MTG2: variants seen among roughly 807,000 people sequenced by gnomAD.
MTG2 encodes mitochondrial ribosome associated GTPase 2, also known as mitochondrial ribosome-associated GTPase 2.
In MTG2, 23 loss-of-function variants were observed where a neutral mutation model predicts 28.6. The ratio of observed to expected loss-of-function variants is 0.80; its 90% confidence interval spans 0.58 to 1.14. The LOEUF (loss-of-function observed/expected upper bound fraction) is 1.14. MTG2 is among the 50% of genes most tolerant of loss of function. The pLI is 0.00. For missense variants in MTG2, 539 were observed against 552.0 expected (o/e 0.98, Z 0.24); for synonymous variants, 260 against 251.8 (o/e 1.03, Z -0.31).
chr20:62,195,003 T>C (rs1315790166), intron 2 of MTG2, among the ~76,000 whole-genome samples: 1 of 152,168 alleles, frequency 6.6e-6, no homozygotes, highest in Admixed American at 6.5e-5. Context: ...GAGACCATCC[T>C]GGCCAACACG....
intron 6 of MTG2, 58 bp downstream of exon 6, chr20:62,199,315 A>G (rs1438411244): frequency 1.3e-6 from 2 of 1,567,730 alleles, no homozygotes; most frequent in Non-Finnish European, 1.7e-6. Context: ...TCAGAAAAGT[A>G]ATGATGTAAC....
At chr20:62,185,270 G>T (rs981263398) in intron 1 of MTG2, among the ~76,000 whole-genome samples, 4 of 151,956 alleles carry the variant, frequency 2.6e-5, no homozygotes, top group Non-Finnish European at 5.9e-5. Context: ...AAATTAGCTG[G>T]GCGTGGTGGC....
At position 62,201,379 on chromosome 20, in the gene MTG2, C is replaced by T. The variant is rs532113045; in HGVS notation, c.*302C>T. 1.5e-5 allele frequency: 6 copies of T among 406,180 alleles called. No individual in the cohort carries two copies. Among genetic ancestry groups the T allele is most frequent in the East Asian group, 1.3e-4 (3 of 22,612 alleles). The allele number at this position is 406,180 out of a possible 1,614,324, so 25.2% of individuals were successfully genotyped here. A position where few individuals can be genotyped will look rare whatever the true frequency, so the allele number is the denominator to read the frequency against. ...GGTGCCCATAACGGGGTGGCCCTGC[C>T]GCTGACTCAGGTCTCCGCCATGCAC... On this transcript the variant is annotated 3_prime_UTR_variant, in exon 7 of 7. Coordinates refer to ENST00000370823, the MANE Select transcript of MTG2 (RefSeq NM_015666.4).
At chr20:62,186,517 C>CT (rs573270385) in intron 1 of MTG2, among the ~76,000 whole-genome samples, 1,956 of 127,370 alleles carry the variant, frequency 0.015, 29 homozygotes, top group Admixed American at 0.039. Flanking sequence ...TTCCCTGGGA[C>CT]TTTTTTTTTT....
intron 1 of MTG2, 140 bp from the exon 2 acceptor site, chr20:62,193,276 A>G: frequency 1.2e-6 from 1 of 820,800 alleles, no homozygotes; most frequent in Non-Finnish European, 2.0e-6. Flanking sequence ...GTGAGTGACC[A>G]GGAAAATCGG....
At chr20:62,193,335 G>A (rs2057996645) in intron 1 of MTG2, 81 bp from the exon 2 acceptor site, 3 of 1,336,662 alleles carry the variant, frequency 2.2e-6, no homozygotes, top group African/African-American at 1.4e-5. Context: ...AAGACCTGCT[G>A]CATGAGGCCC....
At chr20:62,189,664 CT>C (rs34528319) in intron 1 of MTG2, among the ~76,000 whole-genome samples, 4,378 of 113,584 alleles carry the variant, frequency 0.039, 126 homozygotes, top group African/African-American at 0.12. Flanking sequence ...TAAACATTAA[CT>C]TTTTTTTTTT....
chr20:62,184,578 G>A (rs1158059013), intron 1 of MTG2, among the ~76,000 whole-genome samples: 2 of 152,150 alleles, frequency 1.3e-5, no homozygotes, highest in Non-Finnish European at 2.9e-5. Context: ...GGGCTTCTTG[G>A]ACTGGAGGTG....
chr20:62,198,042 C>T (rs545500022), intron 4 of MTG2, 75 bp downstream of exon 4: 1 of 1,277,224 alleles, frequency 7.8e-7, no homozygotes, highest in African/African-American at 1.5e-5. Flanking sequence ...CACCGTGTGA[C>T]CCACGGGGCC....
At chr20:62,186,084 A>G (rs1432986816) in intron 1 of MTG2, among the ~76,000 whole-genome samples, 2 of 152,152 alleles carry the variant, frequency 1.3e-5, no homozygotes, top group Non-Finnish European at 2.9e-5. Flanking sequence ...TGGATGGTGT[A>G]ACGTTCCAGC....
chr20:62,189,899 G>A (rs868030585), intron 1 of MTG2, among the ~76,000 whole-genome samples: 3 of 152,122 alleles, frequency 2.0e-5, no homozygotes, highest in Non-Finnish European at 4.4e-5. Flanking sequence ...TCCTGACCTC[G>A]TGGTCCGCCC....
In MTG2 at chr20:62,183,481, A is replaced by G. The variant is rs114633128; in HGVS notation, c.-6+424A>G. Among the ~76,000 whole-genome samples, 1,150 of 152,370 alleles carry G rather than the reference A, an allele frequency of 7.5e-3. 13 individuals are homozygous for G. The highest frequency in any genetic ancestry group is 0.026 in the African/African-American group (1,072 of 41,584). On this transcript the variant is annotated intron_variant, in intron 1 of 6. Transcript: ENST00000370823. ...ATTATTGGCAGTATACAGTTGCACA[A>G]AACAACATAAATATATACACATTTG...
intron 1 of MTG2, among the ~76,000 whole-genome samples, chr20:62,190,524 G>C (rs941216549): frequency 6.6e-6 from 1 of 152,248 alleles, no homozygotes; most frequent in East Asian, 1.9e-4. Context: ...AACTATGTTC[G>C]TTTTCTGCCA....
At chr20:62,196,874 C>CA (rs751746829) in intron 3 of MTG2, among the ~76,000 whole-genome samples, 117 of 147,134 alleles carry the variant, frequency 8.0e-4, no homozygotes, top group Non-Finnish European at 1.6e-3. Context: ...ACAAAAAATA[C>CA]AAAAAAAATT....
In MTG2 at chr20:62,196,159, GTTT is replaced by G. The variant is rs201107494; in HGVS notation, c.352+215_352+217del. 5.8e-5 allele frequency among the ~76,000 whole-genome samples: 6 copies of G among 104,282 alleles called. No individual in the cohort carries two copies. The East Asian group carries it at 1.2e-3, about 22-fold the overall frequency. The allele number at this position is 104,282 out of a possible 152,430, so 68.4% of individuals were successfully genotyped here. On this transcript the variant is annotated intron_variant, in intron 3 of 6. Transcript: ENST00000370823. ...AAGACCATGTCTTTTTTGTTTGTTTGTTTTTTTGTTTTTTTTTTTTTGCCTCAA... is the reference window on the plus strand; with the variant it reads ...AAGACCATGTCTTTTTTGTTTGTTTGTTTTGTTTTTTTTTTTTTGCCTCAA...
At position 62,198,819 on chromosome 20, in the gene MTG2, C is replaced by T. The variant is rs200948562; in HGVS notation, c.654C>T (p.His218=). The T allele has an allele frequency of 1.9e-6, 3 of 1,614,164 alleles. No homozygotes were observed. The highest frequency in any genetic ancestry group is 2.2e-5 in the South Asian group (2 of 91,088). Residue 218 remains histidine, a synonymous_variant, in exon 5 of 7, where the codon CAC becomes CAT. Coordinates refer to ENST00000370823, the MANE Select transcript of MTG2 (RefSeq NM_015666.4). The stretch of plus-strand genomic sequence containing the variant: ...AGCCAGGACAGCAGCGAGTTCTCCA[C>T]CTGGAGCTCAAGACGGTGGCCCACG... ...PGQPGQQRVL[H]LELKTVAHAG... is the part of the protein sequence containing the mutation.
intron 3 of MTG2, among the ~76,000 whole-genome samples, chr20:62,196,354 ATC>A (rs1193458052): frequency 1.6e-5 from 2 of 127,136 alleles, no homozygotes; most frequent in African/African-American, 5.7e-5. Flanking sequence ...GCAATACCCT[ATC>A]TCTAAAAAAA....
rs2058174168 is a variant in MTG2, at chr20:62,201,687, T to C, written c.*610T>C. On this transcript the variant is annotated 3_prime_UTR_variant, in exon 7 of 7. Coordinates refer to ENST00000370823, the MANE Select transcript of MTG2 (RefSeq NM_015666.4). ...GCAGGCAGCTGTGAGCTTTTCTCCA[T>C]CAGCCGTCTGAGAAGAGCAGTGAGG... 2 of 152,400 alleles carry C rather than the reference T, an allele frequency of 1.3e-5. No homozygotes were observed. Among genetic ancestry groups the C allele is most frequent in the African/African-American group, 4.8e-5 (2 of 41,434 alleles). The allele number at this position is 152,400 out of a possible 1,614,324, so 9.4% of individuals were successfully genotyped here. A position where few individuals can be genotyped will look rare whatever the true frequency, so the allele number is the denominator to read the frequency against.
At chr20:62,188,886 G>A (rs1218694868) in intron 1 of MTG2, 2 of 152,030 alleles carry the variant, frequency 1.3e-5, no homozygotes, top group East Asian at 1.9e-4. Flanking sequence ...CTTATGGTCT[G>A]TTTGATGACT....
Sources: allele counts gnomAD v4.1 joint callset (sites outside exome capture counted in the v4.1 genomes callset), GRCh38; gene constraint gnomAD v4.1.1; transcripts MANE v1.5; gene names NCBI Gene and HGNC (gene_info 2026-07-23, HGNC 2026-07-21).